CNTNAP2: variants seen among roughly 807,000 people sequenced by gnomAD.
CNTNAP2 encodes the protein contactin-associated protein-like 2.
A neutral mutation model predicts 155.2 loss-of-function variants in CNTNAP2; 98 were observed. That is an observed-to-expected ratio of 0.63 (90% CI 0.54 to 0.75). The LOEUF is 0.75. Among genes scored for constraint, CNTNAP2 ranks in the 30% least tolerant of loss-of-function variants. The pLI is 0.00. For missense variants in CNTNAP2, 1,727 were observed against 1,688.1 expected (o/e 1.02, Z -0.40); for synonymous variants, 651 against 631.2 (o/e 1.03, Z -0.47).
chr7:146,127,130 A>T (rs1199052831), intron 1 of CNTNAP2, among the ~76,000 whole-genome samples: 2 of 152,204 alleles, frequency 1.3e-5, no homozygotes, highest in Non-Finnish European at 2.9e-5. Context: ...AGATCTTTGC[A>T]GTTTCTCTAA....
At chr7:147,861,359 A>C (rs1799129941) in intron 13 of CNTNAP2, among the ~76,000 whole-genome samples, 1 of 141,606 alleles carries the variant, frequency 7.1e-6, no homozygotes, top group South Asian at 2.5e-4. Context: ...GACCTAGCCC[A>C]TGCTTATAAA....
intron 1 of CNTNAP2, among the ~76,000 whole-genome samples, chr7:146,335,427 A>G (rs2129095562): frequency 6.6e-6 from 1 of 152,198 alleles, no homozygotes; most frequent in East Asian, 1.9e-4. Flanking sequence ...GACCAAATTC[A>G]GGCACTTGCA....
chr7:147,338,663 A>G (rs1795705219), intron 9 of CNTNAP2, among the ~76,000 whole-genome samples: 1 of 152,142 alleles, frequency 6.6e-6, no homozygotes, highest in Non-Finnish European at 1.5e-5. Context: ...AATAACTAAA[A>G]CATTTTAGGA....
At chr7:147,603,661 G>A (rs1801002202) in intron 12 of CNTNAP2, among the ~76,000 whole-genome samples, 1 of 152,104 alleles carries the variant, frequency 6.6e-6, no homozygotes, top group African/African-American at 2.4e-5. Context: ...CTAATTTATA[G>A]ATTCAATGCC....
rs368739519 is a variant in CNTNAP2, at chr7:147,425,483, C to A, written c.1670+29703C>A. 2.5e-4 allele frequency among the ~76,000 whole-genome samples: 37 copies of A among 147,520 alleles called. 2 individuals are homozygous for A. The highest frequency in any genetic ancestry group is 9.4e-4 in the African/African-American group (37 of 39,184). On this transcript the variant is annotated intron_variant, in intron 10 of 23. Transcript: ENST00000361727. ...AAACTCACTCAACTCTCCTGAAAAA[C>A]CCCAAAGTGCAGAGACAAAATATTC...
intron 15 of CNTNAP2, among the ~76,000 whole-genome samples, chr7:148,024,123 T>C (rs1802333043): frequency 7.0e-6 from 1 of 141,964 alleles, no homozygotes; most frequent in Non-Finnish European, 1.5e-5. Context: ...TTCTTGCACT[T>C]GTGAATCACC....
At chr7:148,072,995 A>AGG (rs1371426937) in intron 15 of CNTNAP2, among the ~76,000 whole-genome samples, 2 of 152,144 alleles carry the variant, frequency 1.3e-5, no homozygotes, top group African/African-American at 4.8e-5. Flanking sequence ...GGTGTGAGCC[A>AGG]CCGTGCCTGG....
intron 4 of CNTNAP2, among the ~76,000 whole-genome samples, chr7:147,047,689 T>C (rs1365876826): frequency 6.6e-6 from 1 of 152,190 alleles, no homozygotes; most frequent in Non-Finnish European, 1.5e-5. Context: ...TGTGACCACA[T>C]GTTCTGTAAT....
chr7:148,277,589 G>GC (rs71188957), intron 21 of CNTNAP2, among the ~76,000 whole-genome samples: 30 of 143,036 alleles, frequency 2.1e-4, no homozygotes, highest in Non-Finnish European at 3.8e-4. Flanking sequence ...GTACAGGACC[G>GC]CCCCCCACCA....
chr7:147,998,325 C>A (rs62471145), intron 15 of CNTNAP2, among the ~76,000 whole-genome samples: 23 of 152,016 alleles, frequency 1.5e-4, no homozygotes, highest in Middle Eastern at 3.4e-3. Flanking sequence ...GTTGGCCAGG[C>A]TGGTCTCGAT....
chr7:147,101,287 G>C (rs1158588204), intron 4 of CNTNAP2, among the ~76,000 whole-genome samples: 1 of 152,150 alleles, frequency 6.6e-6, no homozygotes, highest in African/African-American at 2.4e-5. Flanking sequence ...CTGTGTGATG[G>C]TTTTAAGACG....
chr7:148,270,393 A>G (rs1796752827), intron 21 of CNTNAP2, among the ~76,000 whole-genome samples: 1 of 152,218 alleles, frequency 6.6e-6, no homozygotes, highest in Non-Finnish European at 1.5e-5. Context: ...GGAGGTCCAC[A>G]ATTCCAAGAT....
intron 10 of CNTNAP2, among the ~76,000 whole-genome samples, chr7:147,469,532 T>C (rs1342991130): frequency 1.3e-5 from 1 of 78,144 alleles, no homozygotes; most frequent in African/African-American, 6.1e-5. Context: ...TTTTTTTTTT[T>C]CTGTGAGACA....
chr7:146,704,663 G>A (rs1800933128), intron 1 of CNTNAP2, among the ~76,000 whole-genome samples: 1 of 152,100 alleles, frequency 6.6e-6, no homozygotes, highest in South Asian at 2.1e-4. Context: ...AGGTCAATTG[G>A]TTAACCAAAT....
At chr7:148,145,802 C>A (rs1177966102) in intron 16 of CNTNAP2, among the ~76,000 whole-genome samples, 1 of 152,134 alleles carries the variant, frequency 6.6e-6, no homozygotes, top group East Asian at 1.9e-4. Flanking sequence ...AGGTCACTGG[C>A]CTGCAAGTTC....
intron 1 of CNTNAP2, among the ~76,000 whole-genome samples, chr7:146,228,446 A>C (rs765534652): frequency 6.6e-6 from 1 of 152,202 alleles, no homozygotes; most frequent in African/African-American, 2.4e-5. Context: ...ATAAAAGTTA[A>C]ATGAATGAAT....
chr7:148,191,647 A>G (rs1300320478), intron 18 of CNTNAP2, among the ~76,000 whole-genome samples: 1 of 152,080 alleles, frequency 6.6e-6, no homozygotes, highest in Non-Finnish European at 1.5e-5. Flanking sequence ...TTGTTTCTTC[A>G]TATGGCAGAA....
chr7:147,767,706 T>A (rs1797403838), intron 13 of CNTNAP2, among the ~76,000 whole-genome samples: 1 of 152,012 alleles, frequency 6.6e-6, no homozygotes, highest in Non-Finnish European at 1.5e-5. Context: ...TCCATAGTGT[T>A]TGCAGTATCC....
At chr7:146,712,156 T>C (rs37047) in intron 1 of CNTNAP2, among the ~76,000 whole-genome samples, 11 of 127,080 alleles carry the variant, frequency 8.7e-5, no homozygotes, top group Admixed American at 2.4e-4. Context: ...ATAGTATACA[T>C]ATCTTATGTA....
Sources: allele counts gnomAD v4.1 joint callset (sites outside exome capture counted in the v4.1 genomes callset), GRCh38; gene constraint gnomAD v4.1.1; transcripts MANE v1.5; gene names NCBI Gene and HGNC (gene_info 2026-07-23, HGNC 2026-07-21).